Variants in EFCAB5 observed in about 807,000 individuals in gnomAD.
EFCAB5 encodes EF-hand calcium binding domain 5, also known as EF-hand calcium-binding domain-containing protein 5.
A neutral mutation model predicts 167.9 loss-of-function variants in EFCAB5; 131 were observed. The ratio of observed to expected loss-of-function variants is 0.78; its 90% CI spans 0.68 to 0.90. The LOEUF (loss-of-function observed/expected upper bound fraction) is 0.90. Ranked by LOEUF, EFCAB5 falls within the 40% of genes least tolerant of loss-of-function variation. EFCAB5 has a pLI of 0.00. For synonymous variants in EFCAB5, 574 were observed against 602.8 expected, an observed-to-expected ratio of 0.95 and a Z score of 0.70; for missense variants, 1,663 against 1,745.2, an observed-to-expected ratio of 0.95 and a Z score of 0.84.
chr17:30,047,110 G>A (rs2069949653), intron 8 of EFCAB5, among the ~76,000 whole-genome samples: 1 of 152,130 alleles, frequency 6.6e-6, no homozygotes, highest in Admixed American at 6.5e-5. Flanking sequence ...TTTGATATCT[G>A]GGAATAGTTT....
At chr17:30,105,932 C>A (rs1337704292) in intron 22 of EFCAB5, among the ~76,000 whole-genome samples, 1 of 152,150 alleles carries the variant, frequency 6.6e-6, no homozygotes, top group Admixed American at 6.5e-5. Context: ...CGTGCCATTC[C>A]TATCCCATAT....
intron 3 of EFCAB5, among the ~76,000 whole-genome samples, chr17:29,960,247 A>G (rs2067694387): frequency 6.6e-6 from 1 of 152,098 alleles, no homozygotes; most frequent in Non-Finnish European, 1.5e-5. Context: ...TGTCTTTCCT[A>G]TTCTCAGTGC....
At chr17:30,051,442 C>A (rs936928538) in intron 9 of EFCAB5, among the ~76,000 whole-genome samples, 1 of 152,078 alleles carries the variant, frequency 6.6e-6, no homozygotes, top group Non-Finnish European at 1.5e-5. Context: ...GTGCAATACT[C>A]AAAAATTTTA....
At chr17:30,064,682 T>C (rs1001122525) in intron 14 of EFCAB5, among the ~76,000 whole-genome samples, 1 of 152,106 alleles carries the variant, frequency 6.6e-6, no homozygotes, top group African/African-American at 2.4e-5. Flanking sequence ...ATTTCCCAAA[T>C]AGATACAGCC....
chr17:30,107,743 A>G, intron 22 of EFCAB5, 91 bp from the exon 23 acceptor site: 1 of 1,139,986 alleles, frequency 8.8e-7, no homozygotes, highest in East Asian at 3.1e-5. Context: ...AACATATCTA[A>G]TGAACTTTAA....
chr17:29,968,829 T>C lies in EFCAB5; in HGVS notation c.229T>C (p.Ser77Pro). The C allele has an allele frequency of 6.6e-7, 1 of 1,518,094 alleles. No homozygotes were observed. 94.0% of individuals were successfully genotyped at this position (1,518,094 alleles called of 1,614,324 possible). A position where few individuals can be genotyped will look rare whatever the true frequency, so the allele number is the denominator to read the frequency against. ...GGGGCAGCGAAAAATTTCACCTGGT[T>C]CAATAAAGGACTCTAAAACTGAAGC... ...LEGQRKISPG[S>P]IKDSKTEASG... The change falls in exon 4 of 23, where the codon TCA becomes CCA. Residue 77 changes from serine to proline, a missense_variant. Coordinates refer to ENST00000394835, the MANE Select transcript of EFCAB5 (RefSeq NM_198529.4).
At chr17:30,064,494 G>A (rs1434565074) in intron 14 of EFCAB5, among the ~76,000 whole-genome samples, 2 of 152,038 alleles carry the variant, frequency 1.3e-5, no homozygotes, top group African/African-American at 4.8e-5. Context: ...AAATAAGAAT[G>A]AAAAAGAGTG....
chr17:29,975,709 G>A (rs139356808), intron 4 of EFCAB5, among the ~76,000 whole-genome samples: 14 of 152,264 alleles, frequency 9.2e-5, no homozygotes, highest in African/African-American at 2.2e-4. Flanking sequence ...CAGAACTCTT[G>A]TTTTATGTGT....
In EFCAB5 at chr17:30,097,006, A is replaced by G. The variant is rs538778109; in HGVS notation, c.4321+4070A>G. On this transcript the variant is annotated intron_variant, in intron 22 of 22. Transcript: ENST00000394835. Reference sequence around the variant, plus strand: ...ATTATATACATATACATATACATATACATATACATATACATATACATATAC... The same window carrying G: ...ATTATATACATATACATATACATATGCATATACATATACATATACATATAC... 4.5e-4 allele frequency among the ~76,000 whole-genome samples: 48 copies of G among 107,516 alleles called. 1 individual carries two copies. The highest frequency in any genetic ancestry group is 1.9e-3 in the African/African-American group (45 of 23,754). 70.5% of individuals were successfully genotyped at this position (107,516 alleles called of 152,430 possible).
In EFCAB5 at chr17:30,034,431, G is replaced by T. The variant is rs1013414413; in HGVS notation, c.1200+46G>T. 2.6e-6 allele frequency: 4 copies of T among 1,543,820 alleles called. No individual in the cohort carries two copies. In the African/African-American group the frequency reaches 5.5e-5, roughly 21 times the overall value. On this transcript the variant is annotated intron_variant, in intron 8 of 22. Transcript: ENST00000394835. ...AATTGCTTCTTGGCCAGACACTGTG[G>T]CTCACGCCTGTAATCCCAGCACTTT...
At chr17:29,977,707 G>A (rs908477460) in intron 4 of EFCAB5, among the ~76,000 whole-genome samples, 2 of 152,146 alleles carry the variant, frequency 1.3e-5, no homozygotes, top group Admixed American at 1.3e-4. Context: ...ACACAAAGAG[G>A]TATTTCAAAG....
chr17:29,969,308 G>T lies in EFCAB5; in HGVS notation c.708G>T (p.Arg236Ser). ...IKDPGMSGYQRLMKEVTEDLK... is the reference protein window; with the variant it reads ...IKDPGMSGYQSLMKEVTEDLK... The stretch of plus-strand genomic sequence containing the variant: ...ACCCAGGAATGTCTGGTTACCAGAG[G>T]TTGATGAAAGAAGTCACAGAAGACC... The change falls in exon 4 of 23, where the codon AGG becomes AGT. Residue 236 changes from arginine (R) to serine (S), a missense_variant. Physicochemically the swap from Arg to Ser is moderately radical, Grantham distance 110 (BLOSUM62 -1). Transcript: ENST00000394835. The T allele has an allele frequency of 1.2e-6, 2 of 1,611,884 alleles. No individual in the cohort carries two copies. Among genetic ancestry groups the T allele is most frequent in the Non-Finnish European group, 1.7e-6 (2 of 1,179,242 alleles).
intron 8 of EFCAB5, among the ~76,000 whole-genome samples, chr17:30,037,611 T>C (rs969707344): frequency 5.3e-5 from 8 of 152,200 alleles, no homozygotes; most frequent in African/African-American, 1.9e-4. Context: ...CTGATATGAA[T>C]AGAAGAAAAA....
intron 3 of EFCAB5, among the ~76,000 whole-genome samples, chr17:29,962,057 T>G (rs1345427277): frequency 1.3e-5 from 2 of 152,254 alleles, no homozygotes; most frequent in Non-Finnish European, 2.9e-5. Flanking sequence ...ATGTCTGTCC[T>G]TACTCCAGTA....
chr17:29,999,787 A>C lies in EFCAB5; in HGVS notation c.974-119A>C, dbSNP rs2068623563. 1.2e-5 allele frequency: 7 copies of C among 597,064 alleles called. No homozygotes were observed. In the South Asian group the frequency reaches 3.7e-4, roughly 32 times the overall value. The allele number at this position is 597,064 out of a possible 1,614,324, so 37.0% of individuals were successfully genotyped here. Reference sequence around the variant, plus strand: ...AACTATATGTAATTCACTTTATTGTAATTATGGTTAGACATTAGCTAATAA... The same window carrying C: ...AACTATATGTAATTCACTTTATTGTCATTATGGTTAGACATTAGCTAATAA... On this transcript the variant is annotated intron_variant, in intron 6 of 22. Transcript: ENST00000394835.
intron 2 of EFCAB5, 103 bp downstream of exon 2, chr17:29,942,405 C>T (rs1406101088): frequency 9.0e-7 from 1 of 1,111,978 alleles, no homozygotes; most frequent in East Asian, 2.7e-5. Flanking sequence ...AAAAAGATAA[C>T]TAAAATTGCA....
chr17:30,055,887 G>C lies in EFCAB5; in HGVS notation c.2195-1G>C. On this transcript the variant is annotated splice_acceptor_variant, in intron 10 of 22. Transcript: ENST00000394835. LOFTEE classifies it high-confidence loss of function. ...TAAGCATTTTCATTTGCACCTTTTAGAAACTACAAAAAAGGAAGTTCAGAA... is the reference window on the plus strand; with the variant it reads ...TAAGCATTTTCATTTGCACCTTTTACAAACTACAAAAAAGGAAGTTCAGAA... 1 of 1,610,438 alleles carries C rather than the reference G, an allele frequency of 6.2e-7. No homozygotes were observed. The highest frequency in any genetic ancestry group is 1.1e-5 in the South Asian group (1 of 89,962).
At chr17:30,013,439 T>C (rs2068955363) in intron 7 of EFCAB5, among the ~76,000 whole-genome samples, 1 of 152,172 alleles carries the variant, frequency 6.6e-6, no homozygotes, top group Non-Finnish European at 1.5e-5. Context: ...TCCTGGACTT[T>C]TTTTGGTTGG....
intron 5 of EFCAB5, 120 bp from the exon 6 acceptor site, chr17:29,996,192 A>G (rs1229905716): frequency 2.4e-5 from 18 of 752,222 alleles, no homozygotes; most frequent in Non-Finnish European, 3.6e-5. Flanking sequence ...CTTGGGTTGG[A>G]AAGATCACCC....
Sources: gnomAD v4.1 joint callset for allele counts (sites outside exome capture counted in the v4.1 genomes callset) on GRCh38, gnomAD v4.1.1 for gene constraint, MANE v1.5 for transcripts, NCBI Gene and HGNC (gene_info 2026-07-23, HGNC 2026-07-21) for gene names.